Variants in ITSN1 observed in about 807,000 individuals in gnomAD.
The protein encoded by ITSN1 is intersectin-1.
ITSN1 carries 58 observed loss-of-function variants against 239.8 expected under a neutral mutation model. The observed-to-expected ratio is 0.24, with a 90% confidence interval of 0.20 to 0.30. The LOEUF is 0.30. Ranked by LOEUF, ITSN1 falls within the 10% of genes least tolerant of loss-of-function variation. The pLI is 1.00. For missense variants in ITSN1, 1,558 were observed against 2,103.3 expected, an observed-to-expected ratio of 0.74 and a Z score of 5.07; for synonymous variants, 780 against 770.8, an observed-to-expected ratio of 1.01 and a Z score of -0.20.
chr21:33,869,308 CAAG>C (rs947652274), intron 33 of ITSN1, among the ~76,000 whole-genome samples: 5 of 152,114 alleles, frequency 3.3e-5, no homozygotes, highest in African/African-American at 1.2e-4. Flanking sequence ...CACATAATGG[CAAG>C]AAGGAGAAGA....
At chr21:33,645,074 G>A (rs928579204) in intron 1 of ITSN1, among the ~76,000 whole-genome samples, 15 of 152,068 alleles carry the variant, frequency 9.9e-5, no homozygotes, top group African/African-American at 3.6e-4. Context: ...TCCCACCTAG[G>A]CAGCCTCCCA....
intron 29 of ITSN1, chr21:33,838,634 A>T (rs2074715377): frequency 5.3e-6 from 1 of 188,286 alleles, no homozygotes; most frequent in Non-Finnish European, 9.9e-6. Flanking sequence ...AGACATTATC[A>T]GAGGCTCGCC....
rs776558259 is a variant in ITSN1 at position 33,861,991 on chromosome 21, T to TAAAAA, written c.3891-3141_3891-3137dup. On this transcript the variant is annotated intron_variant, in intron 31 of 39. Coordinates refer to ENST00000381318, the MANE Select transcript of ITSN1 (RefSeq NM_003024.3). ...AATAAAAAAGAAACGTCATCTCTAC[T>TAAAAA]AAAAAAAAAAAAAAAAAAAAAAAGA... Among the ~76,000 whole-genome samples, 167 of 58,152 alleles carry TAAAAA rather than the reference T, an allele frequency of 2.9e-3. 7 individuals carry two copies. Among genetic ancestry groups the TAAAAA allele is most frequent in the East Asian group, 4.9e-3 (8 of 1,646 alleles). 38.1% of individuals were successfully genotyped at this position (58,152 alleles called of 152,430 possible).
chr21:33,841,845 C>T (rs1268362903), intron 29 of ITSN1, among the ~76,000 whole-genome samples: 6 of 151,972 alleles, frequency 3.9e-5, no homozygotes, highest in Non-Finnish European at 7.4e-5. Context: ...GTCTGGTATT[C>T]GGGGTCTGGT....
chr21:33,869,106 G>A (rs1365158940), intron 33 of ITSN1, among the ~76,000 whole-genome samples: 1 of 152,170 alleles, frequency 6.6e-6, no homozygotes, highest in African/African-American at 2.4e-5. Flanking sequence ...AGAAAGAAAC[G>A]TAATGCTACG....
At chr21:33,810,037 C>G (rs1223912754) in intron 20 of ITSN1, among the ~76,000 whole-genome samples, 5 of 152,218 alleles carry the variant, frequency 3.3e-5, no homozygotes, top group Non-Finnish European at 7.3e-5. Flanking sequence ...TGGTAATCCC[C>G]CGCCTCAGCC....
intron 34 of ITSN1, among the ~76,000 whole-genome samples, chr21:33,880,324 C>G (rs1027098952): frequency 6.6e-6 from 1 of 152,158 alleles, no homozygotes; most frequent in Non-Finnish European, 1.5e-5. Context: ...AACGAGAGCA[C>G]CTTTATGTCA....
chr21:33,869,823 G>C (rs1982402512), intron 33 of ITSN1, among the ~76,000 whole-genome samples: 1 of 145,846 alleles, frequency 6.9e-6, no homozygotes, highest in Non-Finnish European at 1.5e-5. Flanking sequence ...GGCAGAGCTG[G>C]GAAATATATG....
chr21:33,730,552 C>T (rs1260618951), intron 4 of ITSN1, among the ~76,000 whole-genome samples: 1 of 151,572 alleles, frequency 6.6e-6, no homozygotes, highest in Non-Finnish European at 1.5e-5. Context: ...AGGCACGTGC[C>T]ACCATGCCCA....
At chr21:33,769,934 G>A (rs955660707) in intron 11 of ITSN1, among the ~76,000 whole-genome samples, 5 of 152,044 alleles carry the variant, frequency 3.3e-5, no homozygotes, top group African/African-American at 1.2e-4. Context: ...GACTTTAGGT[G>A]ATCCACCCAC....
intron 1 of ITSN1, among the ~76,000 whole-genome samples, chr21:33,682,082 A>C (rs984219111): frequency 2.0e-5 from 3 of 151,642 alleles, no homozygotes; most frequent in Non-Finnish European, 2.9e-5. Flanking sequence ...TAAAAAAAAA[A>C]CTACATACTA....
intron 1 of ITSN1, among the ~76,000 whole-genome samples, chr21:33,654,626 A>C (rs772096169): frequency 1.3e-5 from 2 of 152,078 alleles, no homozygotes. Context: ...CACCTGACCA[A>C]CCTGGCCCAA....
chr21:33,867,870 G>A (rs1488135750), intron 33 of ITSN1, among the ~76,000 whole-genome samples: 10 of 152,046 alleles, frequency 6.6e-5, no homozygotes, highest in Non-Finnish European at 1.5e-4. Flanking sequence ...CGCGGTGAGT[G>A]TTACAGCTCT....
At chr21:33,662,669 T>C (rs1022947748) in intron 1 of ITSN1, among the ~76,000 whole-genome samples, 2 of 152,198 alleles carry the variant, frequency 1.3e-5, no homozygotes, top group African/African-American at 4.8e-5. Context: ...AAATGGCCTT[T>C]AGATAAAGGA....
At position 33,765,934 on chromosome 21, in the gene ITSN1, T is replaced by C; in HGVS notation, c.848T>C (p.Met283Thr). The change falls in exon 10 of 40, where the codon ATG becomes ACG. Residue 283 changes from methionine (M) to threonine (T), a missense_variant. Around this residue, in one of 2 missense-constraint regions of ITSN1, gnomAD observed 982 missense variants for 1,209.9 expected, o/e 0.81. Transcript: ENST00000381318. ...KLTAEEFILA[M>T]HLIDVAMSGQ... ...ACAGCAGAGGAATTTATCCTGGCAA[T>C]GCACCTCATTGATGTAGCTATGTCT... The C allele has an allele frequency of 1.2e-6, 2 of 1,614,150 alleles. No homozygotes were observed. The highest frequency in any genetic ancestry group is 1.7e-6 in the Non-Finnish European group (2 of 1,179,972).
Position 33,773,906 on chromosome 21 carries a change from C to T in ITSN1, c.1306-823C>T, listed in dbSNP as rs575697903. Among the ~76,000 whole-genome samples the T allele has an allele frequency of 1.6e-4, 25 of 152,222 alleles. No homozygotes were observed. In the South Asian group the frequency reaches 5.2e-3, roughly 32 times the overall value. ...TGTTGCCCAGGCTGGTCTCGAACTC[C>T]TGACCTCAGGTGATCCGCCTGCCTC... is the stretch of plus-strand genomic sequence containing the variant. On this transcript the variant is annotated intron_variant, in intron 12 of 39. Coordinates refer to ENST00000381318, the MANE Select transcript of ITSN1 (RefSeq NM_003024.3).
chr21:33,648,843 A>G (rs965453186), intron 1 of ITSN1, among the ~76,000 whole-genome samples: 1 of 151,994 alleles, frequency 6.6e-6, no homozygotes, highest in Non-Finnish European at 1.5e-5. Flanking sequence ...AAGAAAGGGG[A>G]GGGCAGGGCA....
chr21:33,824,933 T>C (rs1378889353), intron 25 of ITSN1, among the ~76,000 whole-genome samples: 1 of 152,190 alleles, frequency 6.6e-6, no homozygotes, highest in Non-Finnish European at 1.5e-5. Context: ...TATTGGACTT[T>C]TCAGACCTGG....
chr21:33,864,328 T>A (rs1981185526), intron 31 of ITSN1, among the ~76,000 whole-genome samples: 1 of 152,220 alleles, frequency 6.6e-6, no homozygotes, highest in Non-Finnish European at 1.5e-5. Context: ...TCCTGCCATG[T>A]AGTACCTTGC....
Sources: allele counts gnomAD v4.1 joint callset (sites outside exome capture counted in the v4.1 genomes callset), GRCh38; gene constraint gnomAD v4.1.1; regional missense constraint gnomAD v4.1.1; transcripts MANE v1.5; gene names NCBI Gene and HGNC (gene_info 2026-07-23, HGNC 2026-07-21).